The following MACROD1 variants were observed in gnomAD, a reference collection of about 807,000 sequenced individuals.
The protein encoded by MACROD1 is mono-ADP ribosylhydrolase 1, also known as ADP-ribose glycohydrolase MACROD1.
Under a neutral mutation model 41.4 loss-of-function variants are expected in MACROD1, and 31 were observed. The ratio of observed to expected loss-of-function variants is 0.75; its 90% CI spans 0.56 to 1.01. The LOEUF is 1.01. Ranked by LOEUF, MACROD1 falls within the 50% of genes least tolerant of loss-of-function variation. MACROD1 has a pLI of 0.00. For missense variants in MACROD1, 473 were observed against 460.0 expected (o/e 1.03, Z -0.26); for synonymous variants, 252 against 203.4 (o/e 1.24, Z -2.03).
chr11:64,152,894 G>A (rs1183766273), intron 1 of MACROD1, among the ~76,000 whole-genome samples: 1 of 152,238 alleles, frequency 6.6e-6, no homozygotes, highest in African/African-American at 2.4e-5. Context: ...TCCTCCAGGA[G>A]CTGCAGGACC....
At chr11:64,121,352 A>T (rs1457927077) in intron 3 of MACROD1, among the ~76,000 whole-genome samples, 1 of 152,200 alleles carries the variant, frequency 6.6e-6, no homozygotes, top group South Asian at 2.1e-4. Flanking sequence ...TCACCCACCC[A>T]CTGGCGCTCT....
chr11:64,123,195 G>A (rs375260296), intron 3 of MACROD1, among the ~76,000 whole-genome samples: 28 of 152,212 alleles, frequency 1.8e-4, no homozygotes, highest in Admixed American at 1.2e-3. Context: ...ACGCAGCCAG[G>A]GTCAGTGACG....
chr11:64,049,363 T>A (rs1943647137), intron 3 of MACROD1, among the ~76,000 whole-genome samples: 1 of 152,200 alleles, frequency 6.6e-6, no homozygotes. Flanking sequence ...TTCACAGCGG[T>A]GCCCACGGCC....
At chr11:64,118,390 G>T in intron 3 of MACROD1, 2 of 1,372,232 alleles carry the variant, frequency 1.5e-6, no homozygotes, top group Non-Finnish European at 1.9e-6. Flanking sequence ...GCAAGGAAGA[G>T]AAATTCCATG....
intron 3 of MACROD1, among the ~76,000 whole-genome samples, chr11:64,078,733 A>T (rs1160460749): frequency 1.3e-5 from 2 of 149,758 alleles, no homozygotes; most frequent in Non-Finnish European, 3.0e-5. Context: ...CAGGGAGGGC[A>T]CCCCAAGCTG....
intron 3 of MACROD1, among the ~76,000 whole-genome samples, chr11:64,127,087 C>T (rs574264220): frequency 2.6e-5 from 4 of 152,328 alleles, no homozygotes; most frequent in African/African-American, 9.6e-5. Flanking sequence ...CACGCAAACA[C>T]CCACCACCAC....
At chr11:64,079,848 A>C (rs1445080332) in intron 3 of MACROD1, among the ~76,000 whole-genome samples, 1 of 152,184 alleles carries the variant, frequency 6.6e-6, no homozygotes, top group Non-Finnish European at 1.5e-5. Context: ...ACAGGGAGCC[A>C]GCAACAGCTC....
intron 3 of MACROD1, among the ~76,000 whole-genome samples, chr11:64,102,844 C>T (rs1489390524): frequency 1.3e-5 from 2 of 151,860 alleles, no homozygotes; most frequent in African/African-American, 4.8e-5. Context: ...CCGAGGTGGG[C>T]GGATCATGAA....
chr11:64,005,567 C>CT (rs961138491), intron 4 of MACROD1, among the ~76,000 whole-genome samples: 5 of 152,228 alleles, frequency 3.3e-5, no homozygotes, highest in African/African-American at 1.2e-4. Context: ...GCCTGCTGCC[C>CT]TGTGACTGCA....
chr11:64,165,603 G>T, intron 1 of MACROD1, 94 bp downstream of exon 1: 1 of 1,165,490 alleles, frequency 8.6e-7, no homozygotes, highest in Non-Finnish European at 1.1e-6. Context: ...GGTCTCTCGG[G>T]TGGAAGGGGC....
chr11:64,100,331 G>A (rs1565232270), intron 3 of MACROD1, among the ~76,000 whole-genome samples: 1 of 152,214 alleles, frequency 6.6e-6, no homozygotes, highest in Non-Finnish European at 1.5e-5. Context: ...CAGTTGTGAT[G>A]TGATTGACGA....
intron 3 of MACROD1, among the ~76,000 whole-genome samples, chr11:64,079,238 G>T (rs903240033): frequency 6.6e-6 from 1 of 152,120 alleles, no homozygotes; most frequent in African/African-American, 2.4e-5. Flanking sequence ...TCCTGCTCTG[G>T]CATGTGGCTT....
intron 3 of MACROD1, among the ~76,000 whole-genome samples, chr11:64,106,584 CCT>C (rs773389612): frequency 3.1e-4 from 47 of 152,222 alleles, no homozygotes; most frequent in African/African-American, 7.5e-4. Flanking sequence ...GTTCTCAGCC[CCT>C]GAGAGGCCCT....
chr11:64,117,268 G>A, intron 3 of MACROD1: 5 of 1,614,208 alleles, frequency 3.1e-6, no homozygotes, highest in Non-Finnish European at 4.2e-6. Context: ...TTTTGTGGCT[G>A]CAACCTCATG....
At chr11:64,121,875 G>A (rs550156573) in intron 3 of MACROD1, among the ~76,000 whole-genome samples, 10 of 152,004 alleles carry the variant, frequency 6.6e-5, no homozygotes, top group Non-Finnish European at 1.2e-4. Flanking sequence ...AGCCCATGAC[G>A]CTTCTTTGGT....
At chr11:64,143,747 C>CACAT (rs1945447994) in intron 3 of MACROD1, among the ~76,000 whole-genome samples, 2 of 94,254 alleles carry the variant, frequency 2.1e-5, no homozygotes, top group African/African-American at 3.4e-5. Flanking sequence ...AACCCCGACA[C>CACAT]ACACATACAC....
intron 3 of MACROD1, among the ~76,000 whole-genome samples, chr11:64,124,891 A>G (rs1254925488): frequency 2.6e-5 from 4 of 152,004 alleles, no homozygotes; most frequent in African/African-American, 9.7e-5. Context: ...TGTTGCTCAG[A>G]CTGGTATTGA....
intron 3 of MACROD1, among the ~76,000 whole-genome samples, chr11:64,077,459 C>T (rs1263797719): frequency 6.6e-6 from 1 of 152,132 alleles, no homozygotes; most frequent in East Asian, 1.9e-4. Context: ...TTTAAAGACC[C>T]ATCAGCCTTG....
At chr11:64,087,037 A>C (rs2134509839) in intron 3 of MACROD1, 1 of 152,296 alleles carries the variant, frequency 6.6e-6, no homozygotes, top group East Asian at 1.9e-4. Flanking sequence ...CAGCTGCCAC[A>C]GTGACCGACA....
Sources: allele counts gnomAD v4.1 joint callset (sites outside exome capture counted in the v4.1 genomes callset), GRCh38; gene constraint gnomAD v4.1.1; transcripts MANE v1.5; gene names NCBI Gene and HGNC (gene_info 2026-07-23, HGNC 2026-07-21).